Variants in DOK5 observed in about 807,000 individuals in gnomAD.
DOK5 encodes the protein docking protein 5.
Under a neutral mutation model 43.3 loss-of-function variants are expected in DOK5, and 27 were observed. That is an observed-to-expected ratio of 0.62 (90% CI 0.46 to 0.86). The LOEUF is 0.86. Among genes scored for constraint, DOK5 ranks in the 40% least tolerant of loss-of-function variants. The pLI, the probability that DOK5 is intolerant of heterozygous loss-of-function variation, is 0.00. For synonymous variants in DOK5, 146 were observed against 140.1 expected (o/e 1.04, Z -0.30); for missense variants, 373 against 392.9 (o/e 0.95, Z 0.43).
At chr20:54,631,023 GAACA>G (rs982663723) in intron 6 of DOK5, among the ~76,000 whole-genome samples, 9 of 152,192 alleles carry the variant, frequency 5.9e-5, no homozygotes, top group African/African-American at 1.9e-4. Context: ...TTAGGGAAAT[GAACA>G]AACAAAGTAT....
intron 6 of DOK5, among the ~76,000 whole-genome samples, chr20:54,616,770 CTTTTTTTT>C (rs768379251): frequency 8.3e-6 from 1 of 120,682 alleles, no homozygotes; most frequent in Non-Finnish European, 1.7e-5. Context: ...GATCCACTTT[CTTTTTTTT>C]TTTTTCTTTT....
At chr20:54,624,899 A>G (rs1394770743) in intron 6 of DOK5, among the ~76,000 whole-genome samples, 1 of 151,912 alleles carries the variant, frequency 6.6e-6, no homozygotes, top group Non-Finnish European at 1.5e-5. Context: ...GTAAGCCACA[A>G]TGGAGGCATT....
intron 7 of DOK5, among the ~76,000 whole-genome samples, chr20:54,647,332 C>T (rs1360500712): frequency 6.6e-6 from 1 of 151,874 alleles, no homozygotes; most frequent in African/African-American, 2.4e-5. Context: ...TGGTGAAACC[C>T]CACCTCTACT....
intron 6 of DOK5, among the ~76,000 whole-genome samples, chr20:54,633,072 AAAAAC>A (rs529510578): frequency 0.089 from 13,156 of 147,496 alleles, 733 homozygotes; most frequent in African/African-American, 0.17. Flanking sequence ...ACTCCATCTC[AAAAAC>A]AAAACAAAAC....
intron 6 of DOK5, among the ~76,000 whole-genome samples, chr20:54,615,447 A>T (rs1334984088): frequency 6.6e-6 from 1 of 152,136 alleles, no homozygotes; most frequent in Non-Finnish European, 1.5e-5. Flanking sequence ...AATTGTCTTC[A>T]GAAGAGGGAA....
At chr20:54,492,287 C>G (rs1348088525) in intron 1 of DOK5, among the ~76,000 whole-genome samples, 1 of 152,044 alleles carries the variant, frequency 6.6e-6, no homozygotes, top group Non-Finnish European at 1.5e-5. Context: ...AGTGCGTGTA[C>G]TTGTGTGTAT....
At chr20:54,627,727 G>C (rs1487840495) in intron 6 of DOK5, among the ~76,000 whole-genome samples, 1 of 152,126 alleles carries the variant, frequency 6.6e-6, no homozygotes, top group Non-Finnish European at 1.5e-5. Flanking sequence ...CAGATTTCGG[G>C]GTTCCACTTG....
At chr20:54,487,496 A>C (rs1981985729) in intron 1 of DOK5, among the ~76,000 whole-genome samples, 1 of 152,188 alleles carries the variant, frequency 6.6e-6, no homozygotes, top group South Asian at 2.1e-4. Flanking sequence ...TGCAGGTATT[A>C]TATGACCATG....
At chr20:54,642,717 C>T (rs1813411215) in intron 6 of DOK5, among the ~76,000 whole-genome samples, 2 of 151,792 alleles carry the variant, frequency 1.3e-5, no homozygotes, top group Non-Finnish European at 1.5e-5. Context: ...AGCAAGACTC[C>T]ATCTGAAAAA....
intron 1 of DOK5, among the ~76,000 whole-genome samples, chr20:54,497,669 C>T (rs1400315857): frequency 6.6e-6 from 1 of 152,004 alleles, no homozygotes; most frequent in African/African-American, 2.4e-5. Context: ...CAAATGTGTC[C>T]ACATATATAT....
intron 2 of DOK5, among the ~76,000 whole-genome samples, chr20:54,570,712 A>C (rs1985256360): frequency 6.6e-6 from 1 of 152,170 alleles, no homozygotes. Flanking sequence ...CACAAAATGC[A>C]GATTAATTGC....
chr20:54,617,483 TTTATTTA>T (rs372588447), intron 6 of DOK5, among the ~76,000 whole-genome samples: 34 of 152,196 alleles, frequency 2.2e-4, no homozygotes, highest in African/African-American at 7.7e-4. Flanking sequence ...TCTGGTTCCT[TTTATTTA>T]TTATTTATTT....
rs551631946 is a variant in DOK5 at position 54,499,112 on chromosome 20, A to T, written c.66+23100A>T. On this transcript the variant is annotated intron_variant, in intron 1 of 7. Coordinates refer to ENST00000262593, the MANE Select transcript of DOK5 (RefSeq NM_018431.5). Reference sequence around the variant, plus strand: ...TAGGCCACATGGTCAAGAGAGATGAACCTAGAATTTGAACTTGGGAATGTT... The same window carrying T: ...TAGGCCACATGGTCAAGAGAGATGATCCTAGAATTTGAACTTGGGAATGTT... Among the ~76,000 whole-genome samples the T allele has an allele frequency of 6.6e-5, 10 of 152,324 alleles. No individual in the cohort carries two copies. In the South Asian group the frequency reaches 2.1e-3, roughly 32 times the overall value.
intron 2 of DOK5, among the ~76,000 whole-genome samples, chr20:54,572,297 A>T (rs1410108458): frequency 6.6e-6 from 1 of 151,698 alleles, no homozygotes; most frequent in East Asian, 1.9e-4. Flanking sequence ...TGTAGCTGGG[A>T]CTACAGGTAC....
intron 1 of DOK5, among the ~76,000 whole-genome samples, chr20:54,552,132 A>G (rs1307352114): frequency 6.6e-6 from 1 of 152,202 alleles, no homozygotes; most frequent in East Asian, 1.9e-4. Context: ...CCAGCCATAC[A>G]GTATTAACTT....
At chr20:54,642,084 G>C (rs986529321) in intron 6 of DOK5, among the ~76,000 whole-genome samples, 2 of 152,172 alleles carry the variant, frequency 1.3e-5, no homozygotes, top group African/African-American at 4.8e-5. Flanking sequence ...CTGGAGGTCT[G>C]CTTCCACTTG....
intron 6 of DOK5, among the ~76,000 whole-genome samples, chr20:54,641,809 G>A (rs1979131211): frequency 6.6e-6 from 1 of 152,134 alleles, no homozygotes; most frequent in Non-Finnish European, 1.5e-5. Context: ...TCTTTGCCAA[G>A]TATTACATTG....
At chr20:54,485,353 CAAA>C (rs546070379) in intron 1 of DOK5, among the ~76,000 whole-genome samples, 5 of 77,380 alleles carry the variant, frequency 6.5e-5, no homozygotes, top group Non-Finnish European at 5.5e-5. Flanking sequence ...GACTCCGTCT[CAAA>C]AAAAAAAAAA....
At chr20:54,493,376 C>T (rs1040993056) in intron 1 of DOK5, among the ~76,000 whole-genome samples, 2 of 152,080 alleles carry the variant, frequency 1.3e-5, no homozygotes, top group Non-Finnish European at 2.9e-5. Context: ...TGTCACCATC[C>T]TTATATGTGC....
Sources: gnomAD v4.1 joint callset for allele counts (sites outside exome capture counted in the v4.1 genomes callset) on GRCh38, gnomAD v4.1.1 for gene constraint, MANE v1.5 for transcripts, NCBI Gene and HGNC (gene_info 2026-07-23, HGNC 2026-07-21) for gene names.